The following MYH3 variants were observed in gnomAD, a reference collection of about 807,000 sequenced individuals.
MYH3 encodes the protein myosin-3.
MYH3 carries 130 observed loss-of-function variants against 238.0 expected under a neutral mutation model. That is an observed-to-expected ratio of 0.55 (90% CI 0.47 to 0.63). The LOEUF is 0.63. Among genes scored for constraint, MYH3 ranks in the 30% least tolerant of loss-of-function variants. The pLI is 0.00. For synonymous variants in MYH3, 880 were observed against 924.1 expected, an observed-to-expected ratio of 0.95 and a Z score of 0.86; for missense variants, 1,853 against 2,374.9, an observed-to-expected ratio of 0.78 and a Z score of 4.57.
In MYH3 at chr17:10,634,117, C is replaced by T. The variant is rs1299562274; in HGVS notation, c.4422G>A (p.Glu1474=). The T allele has an allele frequency of 6.2e-7, 1 of 1,614,142 alleles. No homozygotes were observed. The highest frequency in any genetic ancestry group is 8.5e-7 in the Non-Finnish European group (1 of 1,180,056). The change falls in exon 32 of 41, where the codon GAG becomes GAA. Residue 1474 remains glutamate (E), a synonymous_variant. Coordinates refer to ENST00000583535, the MANE Select transcript of MYH3 (RefSeq NM_002470.4). ...SQAELEASLK[E]SRSLSTELFK... ...AGAGCTCAGTGCTCAAGGAGCGGGA[C>T]TCCTTCAGGGATGCCTCCAGCTCTG...
At chr17:10,664,061 TTA>T in the MYH3 span, among the ~76,000 whole-genome samples, 3 of 115,030 alleles carry the variant, frequency 2.6e-5, no homozygotes, top group Admixed American at 9.4e-5. Flanking sequence ...AGACTCCGTC[TTA>T]AAAAAAAAAA....
At position 10,640,397 on chromosome 17, in the gene MYH3, G is replaced by C; in HGVS notation, c.2362C>G (p.Arg788Gly). 2 of 1,614,212 alleles carry C rather than the reference G, an allele frequency of 1.2e-6. No individual in the cohort carries two copies. The highest frequency in any genetic ancestry group is 1.7e-5 in the Admixed American group (1 of 60,026). The change falls in exon 21 of 41, where the codon CGG becomes GGG. Residue 788 changes from arginine to glycine, a missense_variant. By Grantham distance (125) the Arg-to-Gly change is moderately radical. Transcript: ENST00000583535. ...RDDRLAKLITRTQAVCRGFLM... is the reference protein window; with the variant it reads ...RDDRLAKLITGTQAVCRGFLM... The stretch of plus-strand genomic sequence containing the variant: ...AACCCTCTGCACACAGCTTGTGTCC[G>C]GGTGATTAGTTTGGCCAGGCGGTCA...
chr17:10,664,548 C>T, the MYH3 span, among the ~76,000 whole-genome samples: 4 of 152,032 alleles, frequency 2.6e-5, no homozygotes, highest in African/African-American at 7.2e-5. Flanking sequence ...TGTCAAACTT[C>T]GATCTGTGAG....
At position 10,642,473 on chromosome 17, in the gene MYH3, T is replaced by C; in HGVS notation, c.1832A>G (p.Gln611Arg). ...TGCCAGGAGCCTGTTGGAAGACTTC[T>C]GGTACAGCCCAACCACAGTCTCGTT... ...PLNETVVGLY[Q>R]KSSNRLLAHL... Residue 611 changes from glutamine to arginine, a missense_variant, in exon 16 of 41, where the codon CAG becomes CGG. By Grantham distance (43) the Gln-to-Arg change is conservative. Coordinates refer to ENST00000583535, the MANE Select transcript of MYH3 (RefSeq NM_002470.4). The surrounding 1 kb of genome is among the most constrained non-coding windows in gnomAD (Gnocchi z 5.4). 2 of 1,614,220 alleles carry C rather than the reference T, an allele frequency of 1.2e-6. No homozygotes were observed. Among genetic ancestry groups the C allele is most frequent in the Non-Finnish European group, 1.7e-6 (2 of 1,180,034 alleles).
rs775585251 is a variant in MYH3, at chr17:10,652,526, T to G, written c.242A>C (p.Asn81Thr). The G allele has an allele frequency of 4.4e-6, 7 of 1,602,358 alleles. No individual in the cohort carries two copies. The highest frequency in any genetic ancestry group is 1.1e-5 in the South Asian group (1 of 90,872). Residue 81 changes from asparagine (N) to threonine (T), a missense_variant, in exon 4 of 41, where the codon AAC becomes ACC. By Grantham distance (65) the Asn-to-Thr change is moderately conservative. Around this residue, in one of 3 missense-constraint regions of MYH3, gnomAD observed 131 missense variants for 123.5 expected, o/e 1.06. Coordinates refer to ENST00000583535, the MANE Select transcript of MYH3 (RefSeq NM_002470.4). ...VVKPEDVYAM[N>T]PPKFDRIEDM... is the part of the protein sequence containing the mutation. The stretch of plus-strand genomic sequence containing the variant: ...TTCGATCCTGTCGAACTTGGGGGGG[T>G]TCATGGCGTACACATCCTCTGGTTT...
rs761953625 is a variant in MYH3, at chr17:10,635,442, T to C, written c.4097A>G (p.Asn1366Ser). 1.2e-6 allele frequency: 2 copies of C among 1,613,994 alleles called. No individual in the cohort carries two copies. The highest frequency in any genetic ancestry group is 1.1e-5 in the South Asian group (1 of 91,084). ...AELQRALSKA[N>S]SEVAQWRTKY... ...GGTTCTCCACTGGGCAACCTCACTA[T>C]TGGCCTTGGACAGCGCCCTCTGCAG... is the stretch of plus-strand genomic sequence containing the variant. The change falls in exon 30 of 41, where the codon AAT becomes AGT. Residue 1366 changes from asparagine to serine, a missense_variant. Around this residue, in one of 3 missense-constraint regions of MYH3, gnomAD observed 1,044 missense variants for 1,192.6 expected, o/e 0.88. Transcript: ENST00000583535.
intron 17 of MYH3, among the ~76,000 whole-genome samples, chr17:10,641,916 G>A (rs1414386918): frequency 6.6e-6 from 1 of 152,166 alleles, no homozygotes; most frequent in Non-Finnish European, 1.5e-5. Flanking sequence ...AGTACAAAAT[G>A]CTTTCTAAAA....
Position 10,632,875 on chromosome 17 carries a change from G to C in MYH3, c.4648-91C>G, listed in dbSNP as rs556958333. Reference sequence around the variant, plus strand: ...AGGATAACAAAACTTCAATGGAATAGTCCTAAATCTAATCCTACAATAGTC... The same window carrying C: ...AGGATAACAAAACTTCAATGGAATACTCCTAAATCTAATCCTACAATAGTC... On this transcript the variant is annotated intron_variant, in intron 33 of 40. Coordinates refer to ENST00000583535, the MANE Select transcript of MYH3 (RefSeq NM_002470.4). 152 of 1,316,116 alleles carry C rather than the reference G, an allele frequency of 1.2e-4. No individual in the cohort carries two copies. In the African/African-American group the frequency reaches 2.0e-3, roughly 17 times the overall value. The allele number at this position is 1,316,116 out of a possible 1,614,324, so 81.5% of individuals were successfully genotyped here. A position where few individuals can be genotyped will look rare whatever the true frequency, so the allele number is the denominator to read the frequency against.
At position 10,654,958 on chromosome 17, in the gene MYH3, G is replaced by A. The variant is rs530005642; in HGVS notation, c.107C>T (p.Thr36Met). 1.7e-5 allele frequency: 28 copies of A among 1,614,086 alleles called. No homozygotes were observed. The highest frequency in any genetic ancestry group is 8.8e-5 in the South Asian group (8 of 91,080). The change falls in exon 3 of 41, where the codon ACG (threonine) becomes ATG (methionine). Residue 36 changes from threonine (T) to methionine (M), a missense_variant. Thr to Met is a moderately conservative substitution (Grantham distance 81, BLOSUM62 -1). Coordinates refer to ENST00000583535, the MANE Select transcript of MYH3 (RefSeq NM_002470.4). The surrounding 1 kb of genome is among the most constrained non-coding windows in gnomAD (Gnocchi z 4.5). ...EAQNQPFDAK[T>M]YCFVVDSKEE... ...CTTTGAGTCCACCACGAAGCAATAC[G>A]TCTTGGCATCAAAGGGCTGGTTCTG...
Position 10,635,420 on chromosome 17 carries a change from T to C in MYH3, c.4119A>G (p.Arg1373=). ...SKANSEVAQW[R]TKYETDAIQR... is the part of the protein sequence containing the mutation. ...GGATGGCGTCCGTCTCGTATTTGGT[T>C]CTCCACTGGGCAACCTCACTATTGG... The change falls in exon 30 of 41, where the codon AGA becomes AGG. Residue 1373 remains arginine (R), a synonymous_variant. Coordinates refer to ENST00000583535, the MANE Select transcript of MYH3 (RefSeq NM_002470.4). 1.5e-5 allele frequency: 24 copies of C among 1,614,044 alleles called. No homozygotes were observed. Among genetic ancestry groups the C allele is most frequent in the Non-Finnish European group, 1.9e-5 (23 of 1,179,896 alleles).
chr17:10,628,987 C>G (rs987077794), intron 40 of MYH3, among the ~76,000 whole-genome samples: 1 of 152,160 alleles, frequency 6.6e-6, no homozygotes, highest in African/African-American at 2.4e-5. Context: ...CATGAAAGAG[C>G]TCAGTGGGAC....
chr17:10,653,301 G>A (rs2074396600), intron 3 of MYH3, among the ~76,000 whole-genome samples: 1 of 152,154 alleles, frequency 6.6e-6, no homozygotes, highest in Admixed American at 6.5e-5. Flanking sequence ...GTCCCCTGCA[G>A]TCGTGAGGCA....
intron 14 of MYH3, among the ~76,000 whole-genome samples, chr17:10,643,842 T>G (rs2074295468): frequency 6.6e-6 from 1 of 152,220 alleles, no homozygotes; most frequent in South Asian, 2.1e-4. Flanking sequence ...TTCCACTTGA[T>G]AGACATCTTC....
At chr17:10,639,260 TG>T in intron 24 of MYH3, 37 bp downstream of exon 24, 1 of 1,613,936 alleles carries the variant, frequency 6.2e-7, no homozygotes, top group Non-Finnish European at 8.5e-7. Context: ...CTTCCAACCC[TG>T]GAGTTCTGGG....
intron 10 of MYH3, among the ~76,000 whole-genome samples, chr17:10,646,896 A>G (rs1398533907): frequency 6.6e-6 from 1 of 151,990 alleles, no homozygotes; most frequent in Non-Finnish European, 1.5e-5. Flanking sequence ...AAAAACACAA[A>G]AGGTAGCCTG....
intron 12 of MYH3, 65 bp downstream of exon 12, chr17:10,645,642 G>C: frequency 1.9e-6 from 3 of 1,594,150 alleles, no homozygotes; most frequent in South Asian, 2.2e-5. Context: ...GCTTTCAAAA[G>C]CAGTACCAAG....
chr17:10,631,835 C>A lies in MYH3; in HGVS notation c.5138G>T (p.Arg1713Met). Residue 1713 changes from arginine to methionine, a missense_variant, in exon 35 of 41, where the codon AGG becomes ATG. Arg to Met is a moderately conservative substitution (Grantham distance 91). Transcript: ENST00000583535. ...CACCTGGGTATGCAGCAGCTGCACC[C>A]TCTCGTTGGAGTCCAGGAGCTCCTG... ...AEQELLDSNE[R>M]VQLLHTQNTS... 6.2e-7 allele frequency: 1 copy of A among 1,614,182 alleles called. No homozygotes were observed. Among genetic ancestry groups the A allele is most frequent in the Non-Finnish European group, 8.5e-7 (1 of 1,180,034 alleles).
the MYH3 span, among the ~76,000 whole-genome samples, chr17:10,670,544 A>G: frequency 6.6e-6 from 1 of 152,162 alleles, no homozygotes. This position sits in a 1 kb window ranked among gnomAD's most constrained non-coding sequence, Gnocchi z 7.0. Context: ...CTGGGGCTCA[A>G]GCAGTCCTCC....
chr17:10,643,164 T>A (rs2074288968), intron 14 of MYH3, among the ~76,000 whole-genome samples, 168 bp from the exon 15 acceptor site: 1 of 152,166 alleles, frequency 6.6e-6, no homozygotes, highest in African/African-American at 2.4e-5. Context: ...CTTGGCGTCT[T>A]CTGTAAACTT....
Sources: allele counts gnomAD v4.1 joint callset (sites outside exome capture counted in the v4.1 genomes callset), GRCh38; gene constraint gnomAD v4.1.1; regional missense constraint gnomAD v4.1.1; non-coding constraint Gnocchi (gnomAD v3.1); transcripts MANE v1.5; gene names NCBI Gene and HGNC (gene_info 2026-07-23, HGNC 2026-07-21).